MAEL: variants seen among roughly 807,000 people sequenced by gnomAD.
MAEL encodes protein maelstrom homolog.
MAEL carries 46 observed loss-of-function variants against 62.0 expected under a neutral mutation model. That is an observed-to-expected ratio of 0.74 (90% CI 0.59 to 0.95). MAEL has a LOEUF of 0.95. Ranked by LOEUF, MAEL falls within the 40% of genes least tolerant of loss-of-function variation. The pLI, the probability that MAEL is intolerant of heterozygous loss-of-function variation, is 0.00. For missense variants in MAEL, 497 were observed against 526.8 expected (o/e 0.94, Z 0.55); for synonymous variants, 172 against 175.5 (o/e 0.98, Z 0.16).
chr1:166,979,722 A>G (rs190929102), intron 1 of MAEL, among the ~76,000 whole-genome samples: 1 of 152,328 alleles, frequency 6.6e-6, no homozygotes, highest in East Asian at 1.9e-4. Context: ...CAGGCTTCAA[A>G]TCCAACTGCA....
At chr1:166,980,165 A>G (rs1024453134) in intron 1 of MAEL, among the ~76,000 whole-genome samples, 2 of 151,894 alleles carry the variant, frequency 1.3e-5, no homozygotes, top group African/African-American at 4.8e-5. Flanking sequence ...CTGCAAGTGC[A>G]TGCCACCATG....
chr1:166,992,754 C>T lies in MAEL; in HGVS notation c.394C>T (p.Gln132Ter). ...TGGCGAGCTACCTCCTCATTGTGAA[C>T]AGCGCTTCCTCCCTTGTGAAATTGG... is the stretch of plus-strand genomic sequence containing the variant. ...SHGELPPHCE[Q>*]RFLPCEIGCV... Residue 132 changes from glutamine (Q) to a stop codon, truncating the protein, a stop_gained, in exon 4 of 12, where the codon CAG becomes TAG. Coordinates refer to ENST00000367872, the MANE Select transcript of MAEL (RefSeq NM_032858.3). LOFTEE classifies it high-confidence loss of function. The T allele has an allele frequency of 6.2e-7, 1 of 1,611,808 alleles. No homozygotes were observed. The highest frequency in any genetic ancestry group is 8.5e-7 in the Non-Finnish European group (1 of 1,179,150).
intron 5 of MAEL, among the ~76,000 whole-genome samples, chr1:166,998,521 T>C (rs962653978): frequency 6.6e-6 from 1 of 152,162 alleles, no homozygotes; most frequent in Admixed American, 6.5e-5. Context: ...AATCTACATA[T>C]CTTCATTTAA....
At chr1:167,010,242 G>T (rs1223275800) in intron 8 of MAEL, among the ~76,000 whole-genome samples, 1 of 152,070 alleles carries the variant, frequency 6.6e-6, no homozygotes, top group South Asian at 2.1e-4. Context: ...ATTTCCTGAG[G>T]CCTCCCCACC....
At chr1:167,010,393 G>A (rs368731293) in intron 8 of MAEL, among the ~76,000 whole-genome samples, 1 of 151,962 alleles carries the variant, frequency 6.6e-6, no homozygotes, top group Non-Finnish European at 1.5e-5. Context: ...GGGGGTGGGG[G>A]TATGAGAAAT....
chr1:166,997,530 A>G (rs183785930), intron 5 of MAEL, among the ~76,000 whole-genome samples: 41 of 152,002 alleles, frequency 2.7e-4, no homozygotes, highest in Middle Eastern at 3.4e-3. Context: ...AGACTTTTTA[A>G]ACATTTTTTG....
chr1:166,989,289 G>C lies in MAEL; in HGVS notation c.-64G>C. The C allele has an allele frequency of 6.4e-7, 1 of 1,555,856 alleles. No homozygotes were observed. Among genetic ancestry groups the C allele is most frequent in the South Asian group, 1.2e-5 (1 of 84,088 alleles). On this transcript the variant is annotated 5_prime_UTR_variant, in exon 1 of 12. Coordinates refer to ENST00000367872, the MANE Select transcript of MAEL (RefSeq NM_032858.3). ...GGCGCCTACCTCTGTTACTTAGGGC[G>C]GGAGCCCGGCGAGGGCGCCGGTGCT...
At chr1:166,990,424 G>C (rs1664121840) in intron 2 of MAEL, 1 of 152,360 alleles carries the variant, frequency 6.6e-6, no homozygotes, top group South Asian at 2.1e-4. Context: ...GGAGGCGGAG[G>C]TGGGCTGATC....
At chr1:166,998,266 C>T (rs1351294928) in intron 5 of MAEL, among the ~76,000 whole-genome samples, 1 of 152,046 alleles carries the variant, frequency 6.6e-6, no homozygotes, top group Non-Finnish European at 1.5e-5. Context: ...TGGGGCTTCC[C>T]TCTTATTTTT....
chr1:166,988,975 C>G (rs924852001), upstream of MAEL: 43 of 211,562 alleles, frequency 2.0e-4, no homozygotes, highest in African/African-American at 9.3e-4. Context: ...GCCCTTTGTA[C>G]CTGTAAAACG....
intron 9 of MAEL, among the ~76,000 whole-genome samples, chr1:167,016,894 A>G (rs1665418142): frequency 1.3e-5 from 2 of 152,160 alleles, no homozygotes; most frequent in African/African-American, 4.8e-5. Flanking sequence ...GAAAATAAAC[A>G]TCTCATGTGC....
At chr1:167,012,893 T>TGG (rs57050010) in intron 8 of MAEL, among the ~76,000 whole-genome samples, 59,022 of 151,766 alleles carry the variant, frequency 0.39, 12,558 homozygotes, top group African/African-American at 0.58. Context: ...TTGAAGCAGT[T>TGG]GGGGGTCATA....
intron 5 of MAEL, among the ~76,000 whole-genome samples, chr1:167,002,563 T>G (rs1385397482): frequency 6.6e-6 from 1 of 152,222 alleles, no homozygotes; most frequent in Middle Eastern, 3.2e-3. Flanking sequence ...ATTGTGTCTG[T>G]CAGAAAGCTG....
intron 11 of MAEL, among the ~76,000 whole-genome samples, chr1:167,021,415 A>G (rs1466478891): frequency 2.0e-5 from 3 of 152,188 alleles, no homozygotes; most frequent in Admixed American, 2.0e-4. Flanking sequence ...TGTAGCAGCA[A>G]TAGCTTTATA....
Position 167,006,616 on chromosome 1 carries a change from TATATATATATATATATATATACA to T in MAEL, c.845+1220_845+1242del, listed in dbSNP as rs1230560046. 7.3e-4 allele frequency among the ~76,000 whole-genome samples: 57 copies of T among 77,584 alleles called. 1 individual carries two copies. Among genetic ancestry groups the T allele is most frequent in the Admixed American group, 1.6e-3 (14 of 8,652 alleles). 50.9% of individuals were successfully genotyped at this position (77,584 alleles called of 152,430 possible). Reference sequence around the variant, plus strand: ...TGGTTTTTTACTATATATATATATATATATATATATATATATATATACATTTTTTTTTTTTTTGAGACAGAGTC... The same window carrying T: ...TGGTTTTTTACTATATATATATATATTTTTTTTTTTTTTTGAGACAGAGTC... On this transcript the variant is annotated intron_variant, in intron 8 of 11. Transcript: ENST00000367872.
At chr1:166,993,525 G>A (rs1474187164) in intron 4 of MAEL, among the ~76,000 whole-genome samples, 1 of 152,154 alleles carries the variant, frequency 6.6e-6, no homozygotes, top group Non-Finnish European at 1.5e-5. Context: ...AAATTAATTA[G>A]GACATCCCAG....
At chr1:166,979,627 A>C (rs769984672) in intron 1 of MAEL, among the ~76,000 whole-genome samples, 2 of 152,222 alleles carry the variant, frequency 1.3e-5, no homozygotes, top group Non-Finnish European at 2.9e-5. Flanking sequence ...CACACTATCT[A>C]GAAATTTAAA....
chr1:166,977,366 T>G (rs1042161863), intron 1 of MAEL, among the ~76,000 whole-genome samples: 2 of 152,214 alleles, frequency 1.3e-5, no homozygotes, highest in African/African-American at 4.8e-5. Context: ...GGGTTTCCTT[T>G]AGGTTCTAGG....
rs1249412628 is a variant in MAEL, at chr1:167,019,750, A to C, written c.1042-1335A>C. 2.6e-5 allele frequency among the ~76,000 whole-genome samples: 4 copies of C among 152,074 alleles called. No homozygotes were observed. The South Asian group carries it at 6.2e-4, about 24-fold the overall frequency. ...CTAGGCATTGAATTTCCTGTTATCC[A>C]GGATGTAGTACCTTTTTGGAGTCAG... On this transcript the variant is annotated intron_variant, in intron 10 of 11. Coordinates refer to ENST00000367872, the MANE Select transcript of MAEL (RefSeq NM_032858.3).
Sources: gnomAD v4.1 joint callset for allele counts (sites outside exome capture counted in the v4.1 genomes callset) on GRCh38, gnomAD v4.1.1 for gene constraint, MANE v1.5 for transcripts, NCBI Gene and HGNC (gene_info 2026-07-23, HGNC 2026-07-21) for gene names.